SEMA6C: variants seen among roughly 807,000 people sequenced by gnomAD.
The protein encoded by SEMA6C is semaphorin-6C.
In SEMA6C, 37 loss-of-function variants were observed where a neutral mutation model predicts 72.9. The ratio of observed to expected loss-of-function variants is 0.51; its 90% CI spans 0.39 to 0.67. SEMA6C has a LOEUF of 0.67. SEMA6C is among the 30% of genes least tolerant of loss of function. The pLI is 0.00. For synonymous variants in SEMA6C, 578 were observed against 554.1 expected (o/e 1.04, Z -0.61); for missense variants, 1,189 against 1,263.6 (o/e 0.94, Z 0.89).
chr1:151,132,257 C>A lies in SEMA6C; in HGVS notation c.*227G>T. 6.6e-7 allele frequency: 1 copy of A among 1,525,456 alleles called. No homozygotes were observed. Among genetic ancestry groups the A allele is most frequent in the Non-Finnish European group, 8.8e-7 (1 of 1,140,556 alleles). 94.5% of individuals were successfully genotyped at this position (1,525,456 alleles called of 1,614,324 possible). A position where few individuals can be genotyped will look rare whatever the true frequency, so the allele number is the denominator to read the frequency against. On this transcript the variant is annotated 3_prime_UTR_variant, in exon 19 of 19. Transcript: ENST00000368914. The stretch of plus-strand genomic sequence containing the variant: ...GAGTCCGCCAGCTCCCCCTGAAATG[C>A]TGGCTCACTGAGGAGACGGGCTTCT...
In SEMA6C at chr1:151,132,534, C is replaced by A. The variant is rs780448271; in HGVS notation, c.2743G>T (p.Gly915Trp). Reference sequence around the variant, plus strand: ...GGGACGGCCTGGCGGGAGGAGGGCCCGACGAGGGGAGGCTTCAGGGACAAC... The same window carrying A: ...GGGACGGCCTGGCGGGAGGAGGGCCAGACGAGGGGAGGCTTCAGGGACAAC... ...PQLSLKPPLVGPSSRQAVPNG... is the reference protein window; with the variant it reads ...PQLSLKPPLVWPSSRQAVPNG... The change falls in exon 19 of 19, where the codon GGG (glycine) becomes TGG (tryptophan). Residue 915 changes from glycine (G) to tryptophan (W), a missense_variant. Physicochemically the swap from Gly to Trp is radical, Grantham distance 184 (BLOSUM62 -2). Transcript: ENST00000368914. The A allele has an allele frequency of 1.0e-5, 16 of 1,550,338 alleles. No homozygotes were observed. Among genetic ancestry groups the A allele is most frequent in the African/African-American group, 2.7e-5 (2 of 73,036 alleles).
chr1:151,140,993 G>A (rs1367485321), intron 3 of SEMA6C, among the ~76,000 whole-genome samples: 13 of 78,438 alleles, frequency 1.7e-4, no homozygotes, highest in Admixed American at 4.0e-4. Context: ...GCAAGACTCC[G>A]TCTCGAAAAA....
chr1:151,143,606 A>G (rs1682734837), intron 2 of SEMA6C, among the ~76,000 whole-genome samples: 1 of 152,168 alleles, frequency 6.6e-6, no homozygotes. Flanking sequence ...TAAATTATTC[A>G]GTGACAGGCA....
At chr1:151,142,008 C>G (rs7546304) in intron 3 of SEMA6C, among the ~76,000 whole-genome samples, 89,288 of 150,966 alleles carry the variant, frequency 0.59, 29,346 homozygotes, top group East Asian at 0.89. Context: ...GGGATTCAAA[C>G]CTGCTAAGGT....
At chr1:151,134,136 C>A (rs925618279) in intron 18 of SEMA6C, 22 of 1,078,622 alleles carry the variant, frequency 2.0e-5, no homozygotes, top group Admixed American at 1.1e-4. Context: ...TTCCTCCCTC[C>A]TGTGGAACCC....
Position 151,133,820 on chromosome 1 carries a change from C to G in SEMA6C, c.1760-303G>C, listed in dbSNP as rs587712469. ...ACTGCTCGTGCAGGAGAACTCGGGG[C>G]TGGGATGCCCAATTCTGGGGAAGGG... On this transcript the variant is annotated intron_variant, in intron 18 of 18. Coordinates refer to ENST00000368914, the MANE Select transcript of SEMA6C (RefSeq NM_030913.6). This position sits in a 1 kb window ranked among gnomAD's most constrained non-coding sequence, Gnocchi z 5.9. 3.8e-4 allele frequency: 340 copies of G among 896,328 alleles called. No individual in the cohort carries two copies. Among genetic ancestry groups the G allele is most frequent in the Non-Finnish European group, 2.9e-4 (172 of 587,326 alleles). The allele number at this position is 896,328 out of a possible 1,614,324, so 55.5% of individuals were successfully genotyped here. A position where few individuals can be genotyped will look rare whatever the true frequency, so the allele number is the denominator to read the frequency against.
intron 10 of SEMA6C, 55 bp from the exon 11 acceptor site, chr1:151,137,129 C>T: frequency 6.6e-7 from 1 of 1,506,112 alleles, no homozygotes; most frequent in Non-Finnish European, 9.2e-7. Flanking sequence ...GGGCCAGCTG[C>T]ATGCAAGGAG....
chr1:151,134,151 G>T, intron 18 of SEMA6C: 1 of 926,692 alleles, frequency 1.1e-6, no homozygotes. Context: ...GAACCCAGGA[G>T]TCCAGAACGC....
At position 151,138,681 on chromosome 1, in the gene SEMA6C, C is replaced by T. The variant is rs148403954; in HGVS notation, c.405G>A (p.Thr135=). 81 of 1,614,070 alleles carry T rather than the reference C, an allele frequency of 5.0e-5. No individual in the cohort carries two copies. The highest frequency in any genetic ancestry group is 6.1e-5 in the Non-Finnish European group (72 of 1,180,024). The change falls in exon 7 of 19, where the codon ACG becomes ACA. Residue 135 remains threonine (T), a synonymous_variant. Coordinates refer to ENST00000368914, the MANE Select transcript of SEMA6C (RefSeq NM_030913.6). ...ATGAGTTCGTTCCACAGGCAAGGAG[C>T]GTCTGGGAGTCCCAGGGAACAAGAA... ...IRVLVPWDSQ[T]LLACGTNSFS...
chr1:151,138,551 T>C (rs1472150914), intron 7 of SEMA6C, 79 bp downstream of exon 7: 1 of 1,495,600 alleles, frequency 6.7e-7, no homozygotes, highest in Non-Finnish European at 9.3e-7. Context: ...CCGCAGTCCT[T>C]GGTCCTTTCC....
intron 6 of SEMA6C, among the ~76,000 whole-genome samples, chr1:151,138,963 T>A (rs1232536417): frequency 6.6e-6 from 1 of 151,940 alleles, no homozygotes; most frequent in African/African-American, 2.4e-5. Context: ...TGTAGCAGCA[T>A]GTGCCTGTAA....
chr1:151,138,146 G>T, intron 8 of SEMA6C, 41 bp from the exon 9 acceptor site: 3 of 1,608,442 alleles, frequency 1.9e-6, no homozygotes, highest in South Asian at 2.2e-5. Flanking sequence ...AGGGCTCAGG[G>T]ATCTGTATCC....
chr1:151,144,499 A>G (rs1055491378), intron 1 of SEMA6C, 65 bp from the exon 2 acceptor site: 5 of 152,614 alleles, frequency 3.3e-5, no homozygotes, highest in African/African-American at 1.2e-4. Context: ...CATCCCTTAC[A>G]AGTAAATGTA....
At chr1:151,139,535 C>T (rs1682354832) in intron 5 of SEMA6C, 54 bp from the exon 6 acceptor site, 5 of 1,602,150 alleles carry the variant, frequency 3.1e-6, no homozygotes, top group Admixed American at 1.7e-5. Flanking sequence ...TCCCTCCTCA[C>T]ATTATGGCTC....
At chr1:151,143,408 C>A (rs1213347088) in intron 2 of SEMA6C, among the ~76,000 whole-genome samples, 1 of 152,196 alleles carries the variant, frequency 6.6e-6, no homozygotes, top group Non-Finnish European at 1.5e-5. Flanking sequence ...CACTGTGCCA[C>A]CCCCTCCAGG....
rs1275755881 is a variant in SEMA6C, at chr1:151,133,050, C to A, written c.2227G>T (p.Gly743Trp). ...GRSRGGHAAG[G>W]PAPRVLVRPP... ...CTCACCAGCACGCGGGGCGCGGGCC[C>A]GCCCGCCGCGTGCCCGCCCCGTGAG... Residue 743 changes from glycine to tryptophan, a missense_variant, in exon 19 of 19, where the codon GGG becomes TGG. This residue lies in a region of SEMA6C where 721 missense variants were observed against 686.2 expected (regional missense o/e 1.05). Transcript: ENST00000368914. The surrounding 1 kb of genome is among the most constrained non-coding windows in gnomAD (Gnocchi z 5.9). The A allele has an allele frequency of 3.5e-6, 5 of 1,417,132 alleles. No homozygotes were observed. The highest frequency in any genetic ancestry group is 4.6e-6 in the Non-Finnish European group (5 of 1,095,052). The allele number at this position is 1,417,132 out of a possible 1,614,324, so 87.8% of individuals were successfully genotyped here.
intron 3 of SEMA6C, 142 bp downstream of exon 3, chr1:151,142,362 A>G: frequency 2.2e-6 from 2 of 906,400 alleles, no homozygotes; most frequent in East Asian, 2.5e-5. Flanking sequence ...GTGTCAGCTC[A>G]CTCTACCTGT....
In SEMA6C at chr1:151,136,071, G is replaced by A. The variant is rs1681997082; in HGVS notation, c.1199C>T (p.Pro400Leu). The change falls in exon 13 of 19, where the codon CCG (proline) becomes CTG (leucine). Residue 400 changes from proline to leucine, a missense_variant. Physicochemically the swap from Pro to Leu is moderately conservative, Grantham distance 98. Around this residue, in one of 2 missense-constraint regions of SEMA6C, gnomAD observed 468 missense variants for 577.4 expected, o/e 0.81. Transcript: ENST00000368914. ...DDVLTFIKAH[P>L]LLDPAVPPVT... ...AGGTGGTACAGCGGGGTCCAGCAGCGGGTGAGCCTTGATGAAGGTCAGGAC... is the reference window on the plus strand; with the variant it reads ...AGGTGGTACAGCGGGGTCCAGCAGCAGGTGAGCCTTGATGAAGGTCAGGAC... The A allele has an allele frequency of 6.8e-6, 11 of 1,614,154 alleles. No homozygotes were observed. The highest frequency in any genetic ancestry group is 6.8e-6 in the Non-Finnish European group (8 of 1,180,022).
chr1:151,141,187 G>T (rs1490684051), intron 3 of SEMA6C, among the ~76,000 whole-genome samples: 2 of 136,380 alleles, frequency 1.5e-5, no homozygotes, highest in African/African-American at 5.6e-5. Flanking sequence ...GAAAAAGTGG[G>T]TTTATGCTTT....
Sources: allele counts gnomAD v4.1 joint callset (sites outside exome capture counted in the v4.1 genomes callset), GRCh38; gene constraint gnomAD v4.1.1; regional missense constraint gnomAD v4.1.1; non-coding constraint Gnocchi (gnomAD v3.1); transcripts MANE v1.5; gene names NCBI Gene and HGNC (gene_info 2026-07-23, HGNC 2026-07-21).